Variants in FA2H observed in about 807,000 individuals in gnomAD.
The protein encoded by FA2H is fatty acid 2-hydroxylase.
Under a neutral mutation model 44.9 loss-of-function variants are expected in FA2H, and 22 were observed. The ratio of observed to expected loss-of-function variants is 0.49; its 90% CI spans 0.35 to 0.70. The LOEUF is 0.70. FA2H is among the 30% of genes least tolerant of loss of function. The pLI, the probability that FA2H is intolerant of heterozygous loss-of-function variation, is 0.01. For missense variants in FA2H, 501 were observed against 504.9 expected (o/e 0.99, Z 0.07); for synonymous variants, 243 against 213.2 (o/e 1.14, Z -1.22).
At chr16:74,744,414 T>G (rs2144640366) in intron 1 of FA2H, among the ~76,000 whole-genome samples, 1 of 152,138 alleles carries the variant, frequency 6.6e-6, no homozygotes, top group Non-Finnish European at 1.5e-5. Context: ...GTGTGCTTTC[T>G]TTTTTCCAGT....
chr16:74,714,247 C>A lies in FA2H; in HGVS notation c.1062G>T (p.Leu354Phe). The A allele has an allele frequency of 6.4e-7, 1 of 1,562,558 alleles. No homozygotes were observed. The highest frequency in any genetic ancestry group is 8.7e-7 in the Non-Finnish European group (1 of 1,152,734). The change falls in exon 7 of 7, where the codon TTG (leucine) becomes TTT (phenylalanine). Residue 354 changes from leucine (L) to phenylalanine (F), a missense_variant. Physicochemically the swap from Leu to Phe is conservative, Grantham distance 22. Transcript: ENST00000219368. ...TGAGGGTGTGGAAACAGTAATCCCA[C>A]AATTTAGTGCTGATACCAAATCCTA... ...QKSGFGISTK[L>F]WDYCFHTLTP...
chr16:74,762,265 G>A (rs991819726), intron 1 of FA2H, among the ~76,000 whole-genome samples: 2 of 152,142 alleles, frequency 1.3e-5, no homozygotes, highest in South Asian at 2.1e-4. Context: ...GGGTGGTCTC[G>A]ATTTCCTGAC....
At chr16:74,735,842 G>T (rs760800792) in intron 2 of FA2H, among the ~76,000 whole-genome samples, 2 of 152,164 alleles carry the variant, frequency 1.3e-5, no homozygotes, top group Non-Finnish European at 2.9e-5. Flanking sequence ...AATTAGCCAG[G>T]CATGGTGGTA....
rs1398314566 is a variant in FA2H, at chr16:74,739,948, G to C, written c.363+75C>G. On this transcript the variant is annotated intron_variant, in intron 2 of 6. Transcript: ENST00000219368. Reference sequence around the variant, plus strand: ...CACGTCATGCCCACTCCCAGCTTTGGCTCCACACACCCTCTTCCTCTCCTC... The same window carrying C: ...CACGTCATGCCCACTCCCAGCTTTGCCTCCACACACCCTCTTCCTCTCCTC... 5.3e-6 allele frequency: 6 copies of C among 1,140,242 alleles called. No homozygotes were observed. The African/African-American group carries it at 9.2e-5, about 17-fold the overall frequency. The allele number at this position is 1,140,242 out of a possible 1,614,324, so 70.6% of individuals were successfully genotyped here. A position where few individuals can be genotyped will look rare whatever the true frequency, so the allele number is the denominator to read the frequency against.
At chr16:74,757,722 A>G (rs1218641323) in intron 1 of FA2H, among the ~76,000 whole-genome samples, 1 of 152,142 alleles carries the variant, frequency 6.6e-6, no homozygotes, top group Non-Finnish European at 1.5e-5. Context: ...TAAAAAGATA[A>G]TACTATATGT....
intron 1 of FA2H, among the ~76,000 whole-genome samples, chr16:74,770,848 G>A (rs993390400): frequency 6.6e-6 from 1 of 152,242 alleles, no homozygotes; most frequent in Non-Finnish European, 1.5e-5. Context: ...GGGCCCAGAA[G>A]TAAGGATGTC....
intron 2 of FA2H, among the ~76,000 whole-genome samples, chr16:74,736,993 C>A (rs1186414766): frequency 6.6e-6 from 1 of 152,132 alleles, no homozygotes; most frequent in African/African-American, 2.4e-5. Context: ...AGCAGATAAC[C>A]AATAATACAT....
At chr16:74,736,611 T>C (rs565024905) in intron 2 of FA2H, among the ~76,000 whole-genome samples, 3 of 152,316 alleles carry the variant, frequency 2.0e-5, no homozygotes, top group African/African-American at 7.2e-5. Context: ...GCCTGCTGGA[T>C]GCGTCTATCT....
Position 74,774,627 on chromosome 16 carries a change from G to C in FA2H, c.129C>G (p.His43Gln). Reference sequence around the variant, plus strand: ...CCCGCAGCAGCTGCTCGCCCCCCGGGTGGTGCCGCACGAAGCTGGAGAGGT... The same window carrying C: ...CCCGCAGCAGCTGCTCGCCCCCCGGCTGGTGCCGCACGAAGCTGGAGAGGT... The part of the protein sequence containing the change: ...LYDLSSFVRH[H>Q]PGGEQLLRAR... The change falls in exon 1 of 7, where the codon CAC (histidine) becomes CAG (glutamine). Residue 43 changes from histidine (H) to glutamine (Q), a missense_variant. Transcript: ENST00000219368. The C allele has an allele frequency of 6.6e-7, 1 of 1,516,002 alleles. No individual in the cohort carries two copies. 93.9% of individuals were successfully genotyped at this position (1,516,002 alleles called of 1,614,324 possible).
intron 1 of FA2H, among the ~76,000 whole-genome samples, chr16:74,762,593 C>T (rs113734963): frequency 6.6e-5 from 10 of 151,728 alleles, no homozygotes; most frequent in Admixed American, 2.6e-4. Flanking sequence ...TGCAGTGGCA[C>T]GATCTTGGCT....
At chr16:74,719,213 G>A in intron 4 of FA2H, 53 bp from the exon 5 acceptor site, 1 of 1,528,402 alleles carries the variant, frequency 6.5e-7, no homozygotes, top group Non-Finnish European at 9.0e-7. Flanking sequence ...CAGCCTGGTA[G>A]CTCCAGGTGT....
chr16:74,765,774 G>C (rs1962798774), intron 1 of FA2H, among the ~76,000 whole-genome samples: 1 of 151,864 alleles, frequency 6.6e-6, no homozygotes, highest in South Asian at 2.1e-4. Context: ...GGCTGGCCTT[G>C]AACTCCTGGT....
chr16:74,742,848 T>A (rs577830838), intron 1 of FA2H, among the ~76,000 whole-genome samples: 103 of 149,788 alleles, frequency 6.9e-4, no homozygotes, highest in Middle Eastern at 3.4e-3. Flanking sequence ...CAAAAAAAAA[T>A]TTTTTTTTTA....
intron 4 of FA2H, 22 bp from the exon 5 acceptor site, chr16:74,719,182 G>C: frequency 6.2e-7 from 1 of 1,608,850 alleles, no homozygotes; most frequent in Non-Finnish European, 8.5e-7. Flanking sequence ...CAGGGAGAGC[G>C]AGGTGAGGAC....
Position 74,726,263 on chromosome 16 carries a change from G to A in FA2H, c.575C>T (p.Ala192Val). 1 of 1,614,030 alleles carries A rather than the reference G, an allele frequency of 6.2e-7. No individual in the cohort carries two copies. The change falls in exon 4 of 7, where the codon GCC (alanine) becomes GTC (valine). Residue 192 changes from alanine to valine, a missense_variant. Coordinates refer to ENST00000219368, the MANE Select transcript of FA2H (RefSeq NM_024306.5). ...YLSWSYYRTF[A>V]QGNVRLFTSF... The stretch of plus-strand genomic sequence containing the variant: ...CGTGAAGAGTCGGACGTTGCCCTGG[G>A]CAAAGGTTCGGTAGTAGGACCAGCT...
intron 4 of FA2H, among the ~76,000 whole-genome samples, chr16:74,723,179 AT>A (rs1276745440): frequency 6.6e-6 from 1 of 152,154 alleles, no homozygotes; most frequent in Non-Finnish European, 1.5e-5. Flanking sequence ...ACCTATGGGC[AT>A]TTTTTCTCTG....
At chr16:74,741,808 A>ATATATATATATATATATATATGTG (rs1491185782) in intron 1 of FA2H, among the ~76,000 whole-genome samples, 4 of 48,412 alleles carry the variant, frequency 8.3e-5, no homozygotes, top group Non-Finnish European at 1.4e-4. Flanking sequence ...ATATATATAT[A>ATATATATATATATATATATATGTG]TGTGTGTGTG....
intron 1 of FA2H, among the ~76,000 whole-genome samples, chr16:74,764,413 T>C (rs1467238010): frequency 2.6e-5 from 4 of 152,210 alleles, no homozygotes; most frequent in African/African-American, 9.6e-5. Flanking sequence ...ATCATGTCCC[T>C]TGAGGGAATA....
chr16:74,772,131 G>C (rs1297260776), intron 1 of FA2H, among the ~76,000 whole-genome samples: 1 of 152,076 alleles, frequency 6.6e-6, no homozygotes, highest in African/African-American at 2.4e-5. Flanking sequence ...GGCCCCGGCC[G>C]ACTTTTGGCC....
Sources: allele counts gnomAD v4.1 joint callset (sites outside exome capture counted in the v4.1 genomes callset), GRCh38; gene constraint gnomAD v4.1.1; transcripts MANE v1.5; gene names NCBI Gene and HGNC (gene_info 2026-07-23, HGNC 2026-07-21).